NRCAM: variants seen among roughly 807,000 people sequenced by gnomAD.
The protein encoded by NRCAM is neuronal cell adhesion molecule, also known as NgCAM-related cell adhesion molecule.
In NRCAM, 83 loss-of-function variants were observed where a neutral mutation model predicts 156.5. The observed-to-expected ratio is 0.53, with a 90% CI of 0.44 to 0.64. The LOEUF (loss-of-function observed/expected upper bound fraction) is 0.64, where lower values mean the gene tolerates loss of function less well. NRCAM is among the 30% of genes least tolerant of loss of function. The pLI, the probability that NRCAM is intolerant of heterozygous loss-of-function variation, is 0.00. For missense variants in NRCAM, 1,417 were observed against 1,597.3 expected (o/e 0.89, Z 1.92); for synonymous variants, 538 against 563.9 (o/e 0.95, Z 0.65).
At chr7:108,282,317 C>CTCTCCT (rs776693461) in intron 3 of NRCAM, among the ~76,000 whole-genome samples, 5 of 152,180 alleles carry the variant, frequency 3.3e-5, no homozygotes, top group Non-Finnish European at 7.3e-5. Context: ...CAGTGCTTAT[C>CTCTCCT]TCTCTTTCTC....
intron 1 of NRCAM, among the ~76,000 whole-genome samples, chr7:108,423,251 G>A (rs186780908): frequency 3.0e-4 from 46 of 152,164 alleles, no homozygotes; most frequent in African/African-American, 1.1e-3. Flanking sequence ...AGTGAGTCAG[G>A]AAAGGAAGTA....
chr7:108,179,776 G>A (rs149619479), intron 25 of NRCAM, among the ~76,000 whole-genome samples: 20 of 152,268 alleles, frequency 1.3e-4, no homozygotes, highest in African/African-American at 4.3e-4. Context: ...AGAGCACTAA[G>A]AAAGAAACTA....
At chr7:108,342,463 G>A (rs950119340) in intron 2 of NRCAM, among the ~76,000 whole-genome samples, 15 of 152,194 alleles carry the variant, frequency 9.9e-5, no homozygotes, top group African/African-American at 3.4e-4. Context: ...CGGCGAAATA[G>A]CTAGGCCATT....
chr7:108,213,504 A>G (rs1012011428), intron 11 of NRCAM, among the ~76,000 whole-genome samples: 1 of 152,158 alleles, frequency 6.6e-6, no homozygotes, highest in Non-Finnish European at 1.5e-5. Flanking sequence ...ACCACCAACT[A>G]TCTGCTGCCT....
At chr7:108,322,163 C>G (rs1028338156) in intron 2 of NRCAM, among the ~76,000 whole-genome samples, 11 of 151,520 alleles carry the variant, frequency 7.3e-5, no homozygotes, top group African/African-American at 2.7e-4. Flanking sequence ...CGTTTTTTTT[C>G]AAAGCTGGCA....
At chr7:108,308,050 A>T (rs1187246807) in intron 3 of NRCAM, among the ~76,000 whole-genome samples, 3 of 152,240 alleles carry the variant, frequency 2.0e-5, no homozygotes, top group Admixed American at 2.0e-4. Context: ...TGCACAATTA[A>T]AGTTCAATAA....
intron 1 of NRCAM, among the ~76,000 whole-genome samples, chr7:108,415,813 T>TG (rs1291122242): frequency 6.6e-6 from 1 of 152,132 alleles, no homozygotes; most frequent in Non-Finnish European, 1.5e-5. Context: ...ACACAGGAGA[T>TG]GGAGGTTGCA....
chr7:108,170,348 A>T (rs924030677), intron 28 of NRCAM, among the ~76,000 whole-genome samples: 1 of 152,228 alleles, frequency 6.6e-6, no homozygotes, highest in Non-Finnish European at 1.5e-5. Context: ...AGGAAAATAA[A>T]TCTTTGGGCC....
rs566746764 is a variant in NRCAM at position 108,432,452 on chromosome 7, A to G, written c.-332+23791T>C. Among the ~76,000 whole-genome samples, 6 of 152,372 alleles carry G rather than the reference A, an allele frequency of 3.9e-5. No homozygotes were observed. The South Asian group carries it at 8.3e-4, about 21-fold the overall frequency. ...ATCTTTGCTCCAACCCTAAGTGGCT[A>G]GCTGGAACAATGGAGGATTCTCAAA... On this transcript the variant is annotated intron_variant, in intron 1 of 32. Transcript: ENST00000379028.
chr7:108,226,529 G>GAA, intron 8 of NRCAM, 151 bp from the exon 9 acceptor site: 1 of 255,098 alleles, frequency 3.9e-6, no homozygotes. Flanking sequence ...GCAAATAACT[G>GAA]TAAAAAAAAA....
intron 2 of NRCAM, among the ~76,000 whole-genome samples, chr7:108,319,916 C>A (rs913157218): frequency 6.6e-6 from 1 of 152,040 alleles, no homozygotes; most frequent in Non-Finnish European, 1.5e-5. Context: ...CAATGGGAAG[C>A]CACTGATGTA....
intron 1 of NRCAM, among the ~76,000 whole-genome samples, chr7:108,439,773 C>T (rs1388332667): frequency 7.6e-6 from 1 of 131,776 alleles, no homozygotes; most frequent in African/African-American, 3.0e-5. Context: ...GCAGAGGTTG[C>T]AGTAAGCCGA....
At chr7:108,187,270 C>A (rs889188249) in intron 20 of NRCAM, among the ~76,000 whole-genome samples, 2 of 152,200 alleles carry the variant, frequency 1.3e-5, no homozygotes, top group South Asian at 4.1e-4. Context: ...ACTCTACACA[C>A]CCACCACCGA....
At chr7:108,282,389 G>C (rs966869739) in intron 3 of NRCAM, among the ~76,000 whole-genome samples, 5 of 152,066 alleles carry the variant, frequency 3.3e-5, no homozygotes, top group Middle Eastern at 3.2e-3. Flanking sequence ...ATGATTACCA[G>C]AAACATATAA....
intron 3 of NRCAM, among the ~76,000 whole-genome samples, chr7:108,305,188 AT>A (rs1459019359): frequency 6.6e-6 from 1 of 152,204 alleles, no homozygotes; most frequent in African/African-American, 2.4e-5. Context: ...ACCTTTAAAA[AT>A]ATATCCCAGT....
In NRCAM at chr7:108,160,293, C is replaced by T; in HGVS notation, c.3598+68G>A. On this transcript the variant is annotated intron_variant, in intron 31 of 32. Transcript: ENST00000379028. ...AATATTACAATCTACATGATTTCCCCCATGATCTTTTTAGTTTAATGGATT... is the reference window on the plus strand; with the variant it reads ...AATATTACAATCTACATGATTTCCCTCATGATCTTTTTAGTTTAATGGATT... 2.8e-6 allele frequency: 4 copies of T among 1,441,588 alleles called. No homozygotes were observed. In the Admixed American group the frequency reaches 5.4e-5, roughly 20 times the overall value. The allele number at this position is 1,441,588 out of a possible 1,614,324, so 89.3% of individuals were successfully genotyped here.
At chr7:108,214,606 G>A (rs2086813871) in intron 11 of NRCAM, among the ~76,000 whole-genome samples, 1 of 152,042 alleles carries the variant, frequency 6.6e-6, no homozygotes, top group Non-Finnish European at 1.5e-5. Flanking sequence ...ATCGCCTTTA[G>A]TTCTGCTCTG....
intron 32 of NRCAM, among the ~76,000 whole-genome samples, chr7:108,155,992 A>C (rs1254603477): frequency 2.0e-5 from 3 of 152,208 alleles, no homozygotes; most frequent in African/African-American, 7.2e-5. Context: ...ACAGCAGGTA[A>C]ATCTGTGATA....
chr7:108,225,827 G>A (rs1589069973), intron 9 of NRCAM, 126 bp from the exon 10 acceptor site: 5 of 740,944 alleles, frequency 6.7e-6, no homozygotes, highest in Non-Finnish European at 1.2e-5. Flanking sequence ...AGTAAAAACA[G>A]TGCTTTACAT....
Sources: gnomAD v4.1 joint callset for allele counts (sites outside exome capture counted in the v4.1 genomes callset) on GRCh38, gnomAD v4.1.1 for gene constraint, MANE v1.5 for transcripts, NCBI Gene and HGNC (gene_info 2026-07-23, HGNC 2026-07-21) for gene names.